BACH1: variants seen among roughly 807,000 people sequenced by gnomAD.
The protein encoded by BACH1 is BTB domain and CNC homolog 1.
In BACH1, 35 loss-of-function variants were observed where a neutral mutation model predicts 52.9. The observed-to-expected ratio is 0.66, with a 90% CI of 0.51 to 0.88. The LOEUF (loss-of-function observed/expected upper bound fraction) is 0.88. BACH1 is among the 40% of genes least tolerant of loss of function. The pLI, the probability that BACH1 is intolerant of heterozygous loss-of-function variation, is 0.00. For synonymous variants in BACH1, 321 were observed against 319.6 expected, an observed-to-expected ratio of 1.00 and a Z score of -0.05; for missense variants, 808 against 872.6, an observed-to-expected ratio of 0.93 and a Z score of 0.93.
intron 4 of BACH1, among the ~76,000 whole-genome samples, chr21:29,338,071 C>T (rs145690517): frequency 6.6e-6 from 1 of 151,966 alleles, no homozygotes; most frequent in African/African-American, 2.4e-5. Flanking sequence ...TATAAATAAA[C>T]AATAAAATAA....
intron 2 of BACH1, among the ~76,000 whole-genome samples, chr21:29,325,009 A>T (rs868166536): frequency 6.6e-6 from 1 of 152,178 alleles, no homozygotes; most frequent in African/African-American, 2.4e-5. Context: ...CGAGTGGATC[A>T]CGAGGTCAGG....
At chr21:29,349,382 C>G (rs79547936), downstream of BACH1, among the ~76,000 whole-genome samples, 313 of 152,320 alleles carry the variant, frequency 2.1e-3, 3 homozygotes, top group African/African-American at 7.3e-3. Flanking sequence ...GTGAAGTCTG[C>G]TTTTCCCCTG....
chr21:29,308,421 G>A (rs939954896), intron 1 of BACH1, among the ~76,000 whole-genome samples: 11 of 152,088 alleles, frequency 7.2e-5, no homozygotes, highest in Admixed American at 2.6e-4. Flanking sequence ...TGATTCATAT[G>A]ATATACTGAT....
downstream of BACH1, among the ~76,000 whole-genome samples, chr21:29,348,183 A>G (rs1486821384): frequency 1.3e-5 from 2 of 152,196 alleles, no homozygotes; most frequent in Admixed American, 6.5e-5. Context: ...GCCTAGGTCC[A>G]GTTGAGATTC....
At chr21:29,318,962 CAG>C (rs2088818479) in intron 1 of BACH1, among the ~76,000 whole-genome samples, 1 of 152,112 alleles carries the variant, frequency 6.6e-6, no homozygotes. Context: ...TAACTGGAGA[CAG>C]AATGATGGAG....
intron 1 of BACH1, among the ~76,000 whole-genome samples, chr21:29,312,772 A>G (rs996415674): frequency 6.6e-6 from 1 of 152,204 alleles, no homozygotes; most frequent in Non-Finnish European, 1.5e-5. Context: ...GCCTAAGTAA[A>G]TGAAGAGAGA....
At chr21:29,318,344 G>A (rs541574547) in intron 1 of BACH1, among the ~76,000 whole-genome samples, 1 of 152,306 alleles carries the variant, frequency 6.6e-6, no homozygotes, top group African/African-American at 2.4e-5. Flanking sequence ...TTGGATAGAG[G>A]TGCCCAGCTG....
chr21:29,358,770 A>AAAGAAAG lies in BACH1; in HGVS notation c.472+29079_472+29080insGAAAGAA, dbSNP rs768723075. On this transcript the variant is annotated intron_variant, in intron 2 of 4. Transcript: ENST00000422809. Reference sequence around the variant, plus strand: ...AAAAGAAAAGAAAAGAAAAGAAAAGAAAAGAAAGAAAGAAAGAAAGAAAGA... The same window carrying AAAGAAAG: ...AAAAGAAAAGAAAAGAAAAGAAAAGAAAGAAAGAAAGAAAGAAAGAAAGAAAGAAAGA... Among the ~76,000 whole-genome samples the AAAGAAAG allele has an allele frequency of 3.4e-3, 368 of 108,948 alleles. 3 individuals carry two copies. The highest frequency in any genetic ancestry group is 0.011 in the African/African-American group (334 of 30,004). The allele number at this position is 108,948 out of a possible 152,430, so 71.5% of individuals were successfully genotyped here. A position where few individuals can be genotyped will look rare whatever the true frequency, so the allele number is the denominator to read the frequency against.
intron 2 of BACH1, among the ~76,000 whole-genome samples, chr21:29,323,316 G>A (rs948253359): frequency 6.6e-6 from 1 of 152,112 alleles, no homozygotes; most frequent in Non-Finnish European, 1.5e-5. Context: ...GCTAGTAGTG[G>A]CCCAGTCCGA....
Position 29,321,425 on chromosome 21 carries a change from C to A in BACH1, c.145C>A (p.Arg49=), listed in dbSNP as rs111659090. 13 of 1,614,208 alleles carry A rather than the reference C, an allele frequency of 8.1e-6. No individual in the cohort carries two copies. In the African/African-American group the frequency reaches 9.3e-5, roughly 12 times the overall value. ...FVEGQRFRAH[R]SVLAACSSYF... ...GGAGGGACAGCGGTTCCGCGCTCAC[C>A]GGTCCGTGCTGGCGGCATGCAGCAG... The change falls in exon 2 of 5, where the codon CGG becomes AGG. Residue 49 remains arginine (R), a synonymous_variant. Transcript: ENST00000286800.
chr21:29,327,238 T>C lies in BACH1; in HGVS notation c.1414T>C (p.Cys472Arg), dbSNP rs769056682. ...TATAAGTACTCTGAGTACTGAAGGC[T>C]GTTCAAGCAATTTGGAAATTGGAAA... ...PFISTLSTEG[C>R]SSNLEIGNDD... The change falls in exon 3 of 5, where the codon TGT (cysteine) becomes CGT (arginine). Residue 472 changes from cysteine (C) to arginine (R), a missense_variant. Physicochemically the swap from Cys to Arg is radical, Grantham distance 180. Transcript: ENST00000286800. The C allele has an allele frequency of 9.3e-6, 15 of 1,614,096 alleles. No individual in the cohort carries two copies. Among genetic ancestry groups the C allele is most frequent in the African/African-American group, 6.7e-5 (5 of 74,920 alleles).
rs1245923571 is a variant in BACH1 at position 29,345,146 on chromosome 21, A to G, written c.*2313A>G. 6.6e-6 allele frequency: 1 copy of G among 152,652 alleles called. No individual in the cohort carries two copies. The highest frequency in any genetic ancestry group is 2.4e-5 in the African/African-American group (1 of 41,466). 9.5% of individuals were successfully genotyped at this position (152,652 alleles called of 1,614,324 possible). On this transcript the variant is annotated 3_prime_UTR_variant, in exon 5 of 5. Coordinates refer to ENST00000286800, the MANE Select transcript of BACH1 (RefSeq NM_001186.4). ...ATATCTACATGATTTTCAAGTTGTA[A>G]TGCAGATGGACAGATAAAAAAGATT...
chr21:29,355,045 C>T (rs749603890), intron 2 of BACH1, among the ~76,000 whole-genome samples: 49 of 152,334 alleles, frequency 3.2e-4, no homozygotes, highest in South Asian at 6.2e-4. Context: ...AAAGCTTCCA[C>T]AGCATGGAAG....
At chr21:29,357,616 TG>T (rs1194387352) in intron 2 of BACH1, among the ~76,000 whole-genome samples, 5 of 152,182 alleles carry the variant, frequency 3.3e-5, no homozygotes, top group Non-Finnish European at 7.3e-5. Context: ...GACACTAAGA[TG>T]GCCACCGCCA....
downstream of BACH1, among the ~76,000 whole-genome samples, chr21:29,348,955 G>A (rs1009179543): frequency 1.8e-4 from 27 of 152,022 alleles, no homozygotes; most frequent in African/African-American, 5.8e-4. Flanking sequence ...TTAGCCGGGC[G>A]TGGTGGCAGG....
At chr21:29,355,185 G>A (rs146925505) in intron 2 of BACH1, among the ~76,000 whole-genome samples, 1,755 of 152,288 alleles carry the variant, frequency 0.012, 35 homozygotes, top group African/African-American at 0.04. Flanking sequence ...GTGCTGATTG[G>A]TCTGTTTTTA....
chr21:29,355,920 A>T (rs1263098283), intron 2 of BACH1, among the ~76,000 whole-genome samples: 1 of 152,124 alleles, frequency 6.6e-6, no homozygotes, highest in Non-Finnish European at 1.5e-5. Flanking sequence ...TAGTGTAAAA[A>T]CAACACTCTT....
intron 2 of BACH1, chr21:29,358,920 G>A (rs528936852): frequency 2.0e-5 from 3 of 151,772 alleles, no homozygotes; most frequent in South Asian, 2.1e-4. Flanking sequence ...TAACACAAGG[G>A]GGGTAGTATT....
intron 1 of BACH1, chr21:29,300,147 T>G (rs1336775095): frequency 6.6e-6 from 1 of 152,212 alleles, no homozygotes; most frequent in East Asian, 1.9e-4. Context: ...TTGGACATCT[T>G]GAAGAAGCTT....
Sources: allele counts gnomAD v4.1 joint callset (sites outside exome capture counted in the v4.1 genomes callset), GRCh38; gene constraint gnomAD v4.1.1; transcripts MANE v1.5; gene names NCBI Gene and HGNC (gene_info 2026-07-23, HGNC 2026-07-21).